The following RSPRY1 variants were observed in gnomAD, a reference collection of about 807,000 sequenced individuals.
The protein encoded by RSPRY1 is RING finger and SPRY domain-containing protein 1.
In RSPRY1, 23 loss-of-function variants were observed where a neutral mutation model predicts 73.1. That is an observed-to-expected ratio of 0.31 (90% CI 0.23 to 0.45). The LOEUF (loss-of-function observed/expected upper bound fraction) is 0.45. RSPRY1 is among the 20% of genes least tolerant of loss of function. The pLI, the probability that RSPRY1 is intolerant of heterozygous loss-of-function variation, is 1.00. For missense variants in RSPRY1, 448 were observed against 698.7 expected (o/e 0.64, Z 4.05); for synonymous variants, 226 against 251.4 (o/e 0.90, Z 0.95).
intron 8 of RSPRY1, among the ~76,000 whole-genome samples, chr16:57,218,163 G>C (rs908469558): frequency 6.6e-6 from 1 of 152,080 alleles, no homozygotes; most frequent in Non-Finnish European, 1.5e-5. Context: ...CTTCCAGGGG[G>C]ATTATTTTTA....
intron 8 of RSPRY1, among the ~76,000 whole-genome samples, chr16:57,218,160 G>T (rs1273792725): frequency 1.3e-5 from 2 of 152,010 alleles, no homozygotes; most frequent in Non-Finnish European, 2.9e-5. Flanking sequence ...TACCTTCCAG[G>T]GGGATTATTT....
intron 4 of RSPRY1, among the ~76,000 whole-genome samples, chr16:57,211,975 C>A (rs1254855962): frequency 6.6e-6 from 1 of 152,192 alleles, no homozygotes; most frequent in Non-Finnish European, 1.5e-5. Flanking sequence ...AATGAATTGA[C>A]CTTTGCCTAG....
intron 1 of RSPRY1, among the ~76,000 whole-genome samples, chr16:57,190,650 C>T (rs1247012683): frequency 3.9e-5 from 6 of 152,134 alleles, no homozygotes; most frequent in African/African-American, 1.4e-4. Flanking sequence ...TAGTAAATGC[C>T]GTAACTTGGG....
intron 6 of RSPRY1, 99 bp downstream of exon 6, chr16:57,214,045 A>G: frequency 1.3e-6 from 1 of 789,300 alleles, no homozygotes; most frequent in South Asian, 1.5e-5. Context: ...CCACTGGCAC[A>G]GAGAATGGAA....
At position 57,233,481 on chromosome 16, in the gene RSPRY1, C is replaced by T. The variant is rs1015439986; in HGVS notation, c.1530-1643C>T. 3.9e-5 allele frequency among the ~76,000 whole-genome samples: 6 copies of T among 152,270 alleles called. No individual in the cohort carries two copies. The East Asian group carries it at 9.7e-4, about 24-fold the overall frequency. On this transcript the variant is annotated intron_variant, in intron 13 of 14. Coordinates refer to ENST00000394420, the MANE Select transcript of RSPRY1 (RefSeq NM_133368.3). ...CCATCTCCCAGGCTCAAGCGATCCT[C>T]CCACCTCAGCCTCCTGAGTAGCTGG...
At chr16:57,198,840 C>T (rs2146199762) in intron 1 of RSPRY1, among the ~76,000 whole-genome samples, 1 of 152,330 alleles carries the variant, frequency 6.6e-6, no homozygotes, top group East Asian at 1.9e-4. Context: ...GGTATTAGAG[C>T]AGCCAGTGGA....
chr16:57,191,972 G>A (rs138328082), intron 1 of RSPRY1, among the ~76,000 whole-genome samples: 326 of 152,222 alleles, frequency 2.1e-3, no homozygotes, highest in Non-Finnish European at 3.8e-3. Flanking sequence ...ACCTTTTTCC[G>A]TCTTTCCTCA....
In RSPRY1 at chr16:57,208,125, G is replaced by A; in HGVS notation, c.403+15G>A. ...GGCAGAAACAGGTATTTTTAGTTTTGTTTTCATTACTTTATAATGAATATA... is the reference window on the plus strand; with the variant it reads ...GGCAGAAACAGGTATTTTTAGTTTTATTTTCATTACTTTATAATGAATATA... On this transcript the variant is annotated intron_variant, in intron 3 of 14. Transcript: ENST00000394420. The A allele has an allele frequency of 1.4e-6, 2 of 1,470,330 alleles. No homozygotes were observed. Among genetic ancestry groups the A allele is most frequent in the Non-Finnish European group, 1.9e-6 (2 of 1,064,022 alleles). 91.1% of individuals were successfully genotyped at this position (1,470,330 alleles called of 1,614,324 possible). A position where few individuals can be genotyped will look rare whatever the true frequency, so the allele number is the denominator to read the frequency against.
chr16:57,190,876 A>G (rs1054899678), intron 1 of RSPRY1, among the ~76,000 whole-genome samples: 1 of 152,244 alleles, frequency 6.6e-6, no homozygotes, highest in Admixed American at 6.5e-5. Context: ...GGTATATACA[A>G]GGTTAAATCA....
At position 57,235,118 on chromosome 16, in the gene RSPRY1, A is replaced by G. The variant is rs2075281585; in HGVS notation, c.1530-6A>G. 1.2e-6 allele frequency: 2 copies of G among 1,611,100 alleles called. No individual in the cohort carries two copies. The highest frequency in any genetic ancestry group is 1.3e-5 in the African/African-American group (1 of 74,820). On this transcript the variant is annotated splice_region_variant and splice_polypyrimidine_tract_variant and intron_variant, in intron 13 of 14. Transcript: ENST00000394420. Reference sequence around the variant, plus strand: ...AAATGTATTTCAAATTGCTTTTTCTACTCAGGCACAGGCGTCTTGCTCTGT... The same window carrying G: ...AAATGTATTTCAAATTGCTTTTTCTGCTCAGGCACAGGCGTCTTGCTCTGT...
intron 4 of RSPRY1, among the ~76,000 whole-genome samples, chr16:57,210,481 T>C (rs2074819535): frequency 6.6e-6 from 1 of 152,018 alleles, no homozygotes; most frequent in South Asian, 2.1e-4. Context: ...GGTGGGTGGA[T>C]CACCTGAGGT....
At chr16:57,200,010 G>A (rs1432173367) in intron 1 of RSPRY1, among the ~76,000 whole-genome samples, 1 of 143,742 alleles carries the variant, frequency 7.0e-6, no homozygotes, top group Non-Finnish European at 1.5e-5. Context: ...CAGCAGATAA[G>A]TGAACAAAGG....
At chr16:57,201,562 C>T (rs528448702) in intron 1 of RSPRY1, among the ~76,000 whole-genome samples, 8 of 152,298 alleles carry the variant, frequency 5.3e-5, no homozygotes, top group Non-Finnish European at 1.2e-4. Flanking sequence ...GGGTGGCGGC[C>T]GGGCAGAGGC....
At chr16:57,229,080 C>A (rs183556415) in intron 11 of RSPRY1, among the ~76,000 whole-genome samples, 1 of 152,346 alleles carries the variant, frequency 6.6e-6, no homozygotes, top group Non-Finnish European at 1.5e-5. Context: ...TTGTTGGACA[C>A]TGACATTTTT....
intron 1 of RSPRY1, among the ~76,000 whole-genome samples, chr16:57,196,706 C>G (rs2074453965): frequency 6.6e-6 from 1 of 152,168 alleles, no homozygotes; most frequent in African/African-American, 2.4e-5. Flanking sequence ...CGGGGTAGTT[C>G]TGTAAAAGAT....
intron 8 of RSPRY1, among the ~76,000 whole-genome samples, chr16:57,217,545 CT>C (rs1440012062): frequency 6.6e-6 from 1 of 152,150 alleles, no homozygotes; most frequent in Non-Finnish European, 1.5e-5. Flanking sequence ...TTGAGTTTCT[CT>C]TTTAGGTAGA....
intron 10 of RSPRY1, among the ~76,000 whole-genome samples, chr16:57,226,471 T>TAA (rs1169733436): frequency 6.6e-6 from 1 of 152,178 alleles, no homozygotes; most frequent in African/African-American, 2.4e-5. Flanking sequence ...CAGGGATGGA[T>TAA]TATTCATGAG....
intron 1 of RSPRY1, among the ~76,000 whole-genome samples, chr16:57,198,811 TTG>T (rs1219253630): frequency 1.3e-5 from 2 of 152,200 alleles, no homozygotes; most frequent in African/African-American, 4.8e-5. Context: ...TTCATACAGA[TTG>T]TATGGAAAGG....
intron 9 of RSPRY1, 95 bp from the exon 10 acceptor site, chr16:57,221,173 TTTAA>T (rs1441235161): frequency 8.2e-6 from 12 of 1,455,250 alleles, no homozygotes; most frequent in Admixed American, 6.1e-5. Context: ...CACCAGAAGT[TTTAA>T]TAAGGAAAAA....
Sources: gnomAD v4.1 joint callset for allele counts (sites outside exome capture counted in the v4.1 genomes callset) on GRCh38, gnomAD v4.1.1 for gene constraint, MANE v1.5 for transcripts, NCBI Gene and HGNC (gene_info 2026-07-23, HGNC 2026-07-21) for gene names.